Variants in PCDHA2 observed in about 807,000 individuals in gnomAD.
PCDHA2 encodes protocadherin alpha-2.
Under a neutral mutation model 66.0 loss-of-function variants are expected in PCDHA2, and 58 were observed. That is an observed-to-expected ratio of 0.88 (90% confidence interval 0.71 to 1.09). The LOEUF is 1.09. Among genes scored for constraint, PCDHA2 ranks in the 50% least tolerant of loss-of-function variants. The pLI is 0.00. For synonymous variants in PCDHA2, 634 were observed against 554.0 expected (o/e 1.14, Z -2.03); for missense variants, 1,267 against 1,242.3 (o/e 1.02, Z -0.30).
chr5:140,867,064 T>C (rs890190808), intron 1 of PCDHA2: 7 of 152,176 alleles, frequency 4.6e-5, no homozygotes, highest in Admixed American at 1.3e-4. Flanking sequence ...CTACTTTATA[T>C]ATTCACAAAA....
intron 1 of PCDHA2, chr5:140,860,741 A>G (rs1051390184): frequency 2.0e-5 from 3 of 152,018 alleles, no homozygotes; most frequent in Non-Finnish European, 2.9e-5. Context: ...TTTGTTTTTT[A>G]TTTTTTATTT....
intron 1 of PCDHA2, chr5:140,929,146 CAG>C (rs782305171): frequency 6.2e-7 from 1 of 1,614,180 alleles, no homozygotes; most frequent in Non-Finnish European, 8.5e-7. Flanking sequence ...GAGACTTTCT[CAG>C]ACTTATCTCT....
intron 1 of PCDHA2, chr5:140,801,322 G>A: frequency 1.2e-6 from 2 of 1,613,322 alleles, no homozygotes; most frequent in Non-Finnish European, 1.7e-6. Flanking sequence ...GCCAAGCATG[G>A]CACCTTCGTG....
At chr5:140,872,083 C>G (rs377675529) in intron 1 of PCDHA2, among the ~76,000 whole-genome samples, 1 of 152,284 alleles carries the variant, frequency 6.6e-6, no homozygotes, top group East Asian at 1.9e-4. Context: ...TGCAGTGCCA[C>G]TGCACTTAGT....
At chr5:140,905,036 T>A (rs2071554831) in intron 1 of PCDHA2, among the ~76,000 whole-genome samples, 1 of 152,222 alleles carries the variant, frequency 6.6e-6, no homozygotes, top group Non-Finnish European at 1.5e-5. Flanking sequence ...AGCTTTTTAG[T>A]TTAATTAGGT....
At chr5:140,913,384 C>T (rs1018271300) in intron 1 of PCDHA2, among the ~76,000 whole-genome samples, 1 of 152,144 alleles carries the variant, frequency 6.6e-6, no homozygotes, top group Non-Finnish European at 1.5e-5. Flanking sequence ...AGTGGCTCAT[C>T]ATAGCCACTA....
rs138543529 is a variant in PCDHA2, at chr5:140,795,912, C to T, written c.948C>T (p.Tyr316=). Reference sequence around the variant, plus strand: ...TAGATTATGAAGAAGCAAAGTCCTACGAGATTCAGGTCACTGCAACTGACA... The same window carrying T: ...TAGATTATGAAGAAGCAAAGTCCTATGAGATTCAGGTCACTGCAACTGACA... ...GKLDYEEAKS[Y]EIQVTATDKG... is the part of the protein sequence containing the mutation. The change falls in exon 1 of 4, where the codon TAC becomes TAT. Residue 316 remains tyrosine, a synonymous_variant. Transcript: ENST00000526136. 11 of 1,613,672 alleles carry T rather than the reference C, an allele frequency of 6.8e-6. No homozygotes were observed. In the East Asian group the frequency reaches 1.6e-4, roughly 23 times the overall value.
At chr5:140,835,894 T>C in intron 1 of PCDHA2, 1 of 1,612,042 alleles carries the variant, frequency 6.2e-7, no homozygotes, top group Non-Finnish European at 8.5e-7. Context: ...GAGCGCGCGC[T>C]GTCGAGCTAC....
intron 1 of PCDHA2, among the ~76,000 whole-genome samples, chr5:140,941,255 C>CTTTCTTTCTTTCTT (rs782490896): frequency 4.1e-3 from 183 of 44,496 alleles, no homozygotes; most frequent in African/African-American, 4.7e-3. Context: ...TTCTTTCTTT[C>CTTTCTTTCTTTCTT]TCTTTCTTTC....
intron 3 of PCDHA2, among the ~76,000 whole-genome samples, chr5:140,998,657 T>G (rs1252646330): frequency 6.6e-6 from 1 of 151,974 alleles, no homozygotes; most frequent in African/African-American, 2.4e-5. Flanking sequence ...CTCTGCCTCC[T>G]GGGTTCAAGT....
In PCDHA2 at chr5:141,010,299, T is replaced by G; in HGVS notation, c.*362T>G. ...TCTTGATGACACTTGCAGGGCAGGCTGAAAAGTTTTGAGATTGAGCAGCTT... is the reference window on the plus strand; with the variant it reads ...TCTTGATGACACTTGCAGGGCAGGCGGAAAAGTTTTGAGATTGAGCAGCTT... On this transcript the variant is annotated 3_prime_UTR_variant, in exon 4 of 4. Transcript: ENST00000526136. 6.5e-7 allele frequency: 1 copy of G among 1,549,016 alleles called. No homozygotes were observed. The highest frequency in any genetic ancestry group is 2.4e-5 in the East Asian group (1 of 40,892).
In PCDHA2 at chr5:140,937,571, C is replaced by T. The variant is rs188926211; in HGVS notation, c.2389-41378C>T. 1.3e-4 allele frequency among the ~76,000 whole-genome samples: 20 copies of T among 151,578 alleles called. No homozygotes were observed. The East Asian group carries it at 2.7e-3, about 21-fold the overall frequency. On this transcript the variant is annotated intron_variant, in intron 1 of 3. Coordinates refer to ENST00000526136, the MANE Select transcript of PCDHA2 (RefSeq NM_018905.3). Reference sequence around the variant, plus strand: ...GGCAGAGGTTGCAGTGAGCTGGGATCGCGTCACTGCACTCTAGCCTGGGCA... The same window carrying T: ...GGCAGAGGTTGCAGTGAGCTGGGATTGCGTCACTGCACTCTAGCCTGGGCA...
chr5:140,883,378 C>A, intron 1 of PCDHA2: 1 of 1,614,146 alleles, frequency 6.2e-7, no homozygotes. Context: ...CCATTATTGC[C>A]CTAATCAGTG....
intron 1 of PCDHA2, among the ~76,000 whole-genome samples, chr5:140,818,642 G>C (rs2150101838): frequency 0.058 from 8,885 of 152,208 alleles, 858 homozygotes; most frequent in African/African-American, 0.2. Context: ...TTCAAGATGA[G>C]CCTGAGCAAT....
intron 1 of PCDHA2, among the ~76,000 whole-genome samples, chr5:140,885,206 A>G (rs1304868227): frequency 1.3e-5 from 2 of 152,038 alleles, no homozygotes; most frequent in Non-Finnish European, 2.9e-5. Context: ...CATATATCCC[A>G]TGAAAAATAT....
chr5:140,966,984 G>C lies in PCDHA2; in HGVS notation c.2389-11965G>C, dbSNP rs1217682338. ...CTGGGGCTTGAGCTGCGGCGCTTGGGGCCGGGTTGCTTGCGCATCAACCAT... is the reference window on the plus strand; with the variant it reads ...CTGGGGCTTGAGCTGCGGCGCTTGGCGCCGGGTTGCTTGCGCATCAACCAT... On this transcript the variant is annotated intron_variant, in intron 1 of 3. Transcript: ENST00000526136. 21 of 1,603,802 alleles carry C rather than the reference G, an allele frequency of 1.3e-5. No homozygotes were observed. The East Asian group carries it at 4.5e-4, about 34-fold the overall frequency.
Position 140,795,657 on chromosome 5 carries a change from G to T in PCDHA2, c.693G>T (p.Lys231Asn). Reference sequence around the variant, plus strand: ...CGGGCACCGTTCAAATACTTATTAAGGTATTAGATGTAAATGACAATGAAC... The same window carrying T: ...CGGGCACCGTTCAAATACTTATTAATGTATTAGATGTAAATGACAATGAAC... ...ELTGTVQILI[K>N]VLDVNDNEPT... Residue 231 changes from lysine to asparagine, a missense_variant, in exon 1 of 4, where the codon AAG (lysine) becomes AAT (asparagine). Lys to Asn is a moderately conservative substitution (Grantham distance 94). Transcript: ENST00000526136. The T allele has an allele frequency of 1.2e-6, 2 of 1,613,964 alleles. No homozygotes were observed. Among genetic ancestry groups the T allele is most frequent in the Non-Finnish European group, 1.7e-6 (2 of 1,179,902 alleles).
At chr5:140,919,127 T>A (rs2079016296) in intron 1 of PCDHA2, among the ~76,000 whole-genome samples, 1 of 152,192 alleles carries the variant, frequency 6.6e-6, no homozygotes, top group East Asian at 1.9e-4. Flanking sequence ...TTGCTTCATG[T>A]GTTTTGGGGC....
intron 1 of PCDHA2, chr5:140,803,906 C>A (rs538435435): frequency 3.9e-6 from 2 of 512,534 alleles, no homozygotes; most frequent in South Asian, 4.9e-5. Context: ...TTTAGAGAAT[C>A]TGACTTCGAC....
Sources: gnomAD v4.1 joint callset for allele counts (sites outside exome capture counted in the v4.1 genomes callset) on GRCh38, gnomAD v4.1.1 for gene constraint, MANE v1.5 for transcripts, NCBI Gene and HGNC (gene_info 2026-07-23, HGNC 2026-07-21) for gene names.